Variants in ASRGL1 observed in about 807,000 individuals in gnomAD.
ASRGL1 encodes the protein asparaginase and isoaspartyl peptidase 1.
ASRGL1 carries 16 observed loss-of-function variants against 22.4 expected under a neutral mutation model. The ratio of observed to expected loss-of-function variants is 0.71; its 90% CI spans 0.48 to 1.08. ASRGL1 has a LOEUF of 1.08. Ranked by LOEUF, ASRGL1 falls within the 50% of genes least tolerant of loss-of-function variation. The pLI is 0.00. For missense variants in ASRGL1, 412 were observed against 410.1 expected, an observed-to-expected ratio of 1.00 and a Z score of -0.04; for synonymous variants, 165 against 159.3, an observed-to-expected ratio of 1.04 and a Z score of -0.27.
chr11:62,339,187 A>G (rs1945805709), intron 2 of ASRGL1, among the ~76,000 whole-genome samples: 1 of 152,252 alleles, frequency 6.6e-6, no homozygotes, highest in African/African-American at 2.4e-5. Flanking sequence ...ATTTCAAGAT[A>G]TGGCGAAGAA....
rs1175570546 is a variant in ASRGL1, at chr11:62,375,474, ATATATATT to A, written c.492-13657_492-13650del. On this transcript the variant is annotated intron_variant, in intron 4 of 6. Coordinates refer to ENST00000415229, the MANE Select transcript of ASRGL1 (RefSeq NM_001083926.2). ...TATATATATATATATATATATATAT[ATATATATT>A]TCTTGGAGTAAACATTTTAAATAAA... Among the ~76,000 whole-genome samples, 323 of 74,756 alleles carry A rather than the reference ATATATATT, an allele frequency of 4.3e-3. 7 individuals are homozygous for A. Among genetic ancestry groups the A allele is most frequent in the East Asian group, 6.8e-3 (12 of 1,772 alleles). 49.0% of individuals were successfully genotyped at this position (74,756 alleles called of 152,430 possible).
chr11:62,346,196 C>A (rs112296314), intron 2 of ASRGL1, among the ~76,000 whole-genome samples: 1 of 152,160 alleles, frequency 6.6e-6, no homozygotes, highest in African/African-American at 2.4e-5. Context: ...TCCCATGACT[C>A]CCTCCTCGAA....
chr11:62,343,001 G>A (rs1400051873), intron 2 of ASRGL1, among the ~76,000 whole-genome samples: 1 of 152,220 alleles, frequency 6.6e-6, no homozygotes, highest in Middle Eastern at 3.2e-3. Flanking sequence ...GCATATGGGT[G>A]TTTATGTGAA....
chr11:62,345,621 C>G (rs1437536807), intron 2 of ASRGL1, among the ~76,000 whole-genome samples: 35 of 152,186 alleles, frequency 2.3e-4, no homozygotes, highest in Admixed American at 2.2e-3. Flanking sequence ...ATGCACACTT[C>G]TGTCCAATGT....
intron 4 of ASRGL1, chr11:62,373,317 G>A (rs1226322620): frequency 1.5e-5 from 9 of 602,034 alleles, no homozygotes; most frequent in Admixed American, 2.9e-5. Context: ...CTGAGGTTCC[G>A]TTTTACAAGT....
chr11:62,341,640 C>A (rs1384369771), intron 2 of ASRGL1, among the ~76,000 whole-genome samples: 5 of 152,128 alleles, frequency 3.3e-5, no homozygotes, highest in Non-Finnish European at 5.9e-5. Context: ...GAGATACAAC[C>A]AGGTTTAGAA....
intron 4 of ASRGL1, among the ~76,000 whole-genome samples, chr11:62,364,932 G>C (rs1298170857): frequency 1.3e-5 from 2 of 151,918 alleles, no homozygotes; most frequent in Admixed American, 1.3e-4. Context: ...AGCTGGGCGT[G>C]GTGGTGGGTG....
intron 4 of ASRGL1, among the ~76,000 whole-genome samples, chr11:62,358,262 C>T (rs369144005): frequency 1.5e-3 from 225 of 149,666 alleles, no homozygotes; most frequent in African/African-American, 5.5e-3. Flanking sequence ...CCCAGCTACT[C>T]GGGAGGCTGA....
intron 5 of ASRGL1, among the ~76,000 whole-genome samples, chr11:62,390,472 C>T (rs935692642): frequency 2.6e-5 from 4 of 152,298 alleles, no homozygotes; most frequent in African/African-American, 7.2e-5. Context: ...CAGCTTCACA[C>T]GCCCGATGCC....
intron 4 of ASRGL1, among the ~76,000 whole-genome samples, chr11:62,360,692 A>G (rs998345149): frequency 6.6e-6 from 1 of 152,220 alleles, no homozygotes; most frequent in Non-Finnish European, 1.5e-5. Flanking sequence ...ATTAGTAAGA[A>G]AATTATTCTC....
intron 6 of ASRGL1, 142 bp from the exon 7 acceptor site, chr11:62,391,937 G>A: frequency 2.0e-6 from 2 of 978,716 alleles, no homozygotes; most frequent in African/African-American, 1.6e-5. Flanking sequence ...GCAAGGAGGT[G>A]AGGACCCTCC....
downstream of ASRGL1, among the ~76,000 whole-genome samples, chr11:62,393,628 T>C (rs1212539931): frequency 6.6e-6 from 1 of 152,146 alleles, no homozygotes; most frequent in Admixed American, 6.6e-5. Context: ...TGGCGCAGTC[T>C]TCCTGCAGTT....
chr11:62,355,233 CTT>C (rs150944924), intron 2 of ASRGL1, among the ~76,000 whole-genome samples: 6,567 of 144,632 alleles, frequency 0.045, 490 homozygotes, highest in African/African-American at 0.16. Context: ...AGATTTCTCT[CTT>C]TTTTTTTTGA....
At chr11:62,379,247 G>C (rs1947006321) in intron 4 of ASRGL1, among the ~76,000 whole-genome samples, 1 of 152,000 alleles carries the variant, frequency 6.6e-6, no homozygotes, top group Non-Finnish European at 1.5e-5. Flanking sequence ...CCAATTTTTT[G>C]GCCACTGGTT....
rs1946788374 is a variant in ASRGL1 at position 62,372,138 on chromosome 11, G to A, written c.491+14994G>A. The stretch of plus-strand genomic sequence containing the variant: ...GAAGGAAAGCTGTGGAGCTGGGGTC[G>A]AAATGAGAAGGCGCAGCTGGGACAT... On this transcript the variant is annotated intron_variant, in intron 4 of 6. Coordinates refer to ENST00000415229, the MANE Select transcript of ASRGL1 (RefSeq NM_001083926.2). The A allele has an allele frequency of 4.7e-6, 4 of 853,076 alleles. No homozygotes were observed. The East Asian group carries it at 7.3e-5, about 16-fold the overall frequency. The allele number at this position is 853,076 out of a possible 1,614,324, so 52.8% of individuals were successfully genotyped here.
intron 4 of ASRGL1, chr11:62,371,274 TGGCA>T: frequency 7.4e-7 from 1 of 1,354,440 alleles, no homozygotes; most frequent in Non-Finnish European, 9.7e-7. Context: ...GCAGCAGTGG[TGGCA>T]GCAGCAGCAG....
rs552481470 is a variant in ASRGL1, at chr11:62,373,140, A to C, written c.492-15993A>C. On this transcript the variant is annotated intron_variant, in intron 4 of 6. Transcript: ENST00000415229. ...AAGTGAAACTGAGAAAGAAAAGATC[A>C]AGAAACTGCCAGAATACAGCCCCCA... The C allele has an allele frequency of 2.1e-6, 3 of 1,423,628 alleles. No homozygotes were observed. The South Asian group carries it at 3.4e-5, about 16-fold the overall frequency. The allele number at this position is 1,423,628 out of a possible 1,614,324, so 88.2% of individuals were successfully genotyped here.
chr11:62,386,933 C>T (rs1254971000), intron 4 of ASRGL1, among the ~76,000 whole-genome samples: 2 of 151,668 alleles, frequency 1.3e-5, no homozygotes, highest in African/African-American at 4.8e-5. Context: ...CACTCTGTCA[C>T]CCAGGCTGGA....
intron 4 of ASRGL1, among the ~76,000 whole-genome samples, chr11:62,366,030 C>G (rs1375930201): frequency 6.8e-6 from 1 of 147,856 alleles, no homozygotes; most frequent in African/African-American, 2.5e-5. Context: ...GAGGCCAAGA[C>G]AGGCAGACTG....
Sources: allele counts gnomAD v4.1 joint callset (sites outside exome capture counted in the v4.1 genomes callset), GRCh38; gene constraint gnomAD v4.1.1; transcripts MANE v1.5; gene names NCBI Gene and HGNC (gene_info 2026-07-23, HGNC 2026-07-21).